The following EML2 variants were observed in gnomAD, a reference collection of about 807,000 sequenced individuals.
The protein encoded by EML2 is echinoderm microtubule-associated protein-like 2.
Under a neutral mutation model 84.7 loss-of-function variants are expected in EML2, and 59 were observed. The observed-to-expected ratio is 0.70, with a 90% CI of 0.56 to 0.86. The LOEUF (loss-of-function observed/expected upper bound fraction) is 0.86. EML2 is among the 40% of genes least tolerant of loss of function. The pLI is 0.00. For missense variants in EML2, 818 were observed against 855.6 expected (o/e 0.96, Z 0.55); for synonymous variants, 352 against 348.9 (o/e 1.01, Z -0.10).
intron 11 of EML2, chr19:45,620,771 TG>T (rs1971591734): frequency 7.0e-6 from 2 of 284,748 alleles, no homozygotes; most frequent in Admixed American, 8.1e-5. Flanking sequence ...GTTCTTTAAT[TG>T]GGTCAGGGGT....
At chr19:45,640,315 G>A (rs1974307895), upstream of EML2, 1 of 152,120 alleles carries the variant, frequency 6.6e-6, no homozygotes, top group South Asian at 2.1e-4. Context: ...AATTTCCTAG[G>A]CTTAAGTGAG....
At chr19:45,629,054 G>T (rs1972717349) in intron 7 of EML2, among the ~76,000 whole-genome samples, 1 of 151,966 alleles carries the variant, frequency 6.6e-6, no homozygotes, top group Non-Finnish European at 1.5e-5. Context: ...TGTTGGGCCT[G>T]GTCCACCGTA....
Position 45,609,636 on chromosome 19 carries a change from C to T in EML2, c.*27G>A. 1 of 1,587,338 alleles carries T rather than the reference C, an allele frequency of 6.3e-7. No individual in the cohort carries two copies. The highest frequency in any genetic ancestry group is 8.6e-7 in the Non-Finnish European group (1 of 1,168,256). On this transcript the variant is annotated 3_prime_UTR_variant, in exon 19 of 19. Transcript: ENST00000245925. ...ATCTCCCGAAAATAGAATTCCTGCC[C>T]TGACACCTGACTCTTCCCTGGCCGC...
chr19:45,628,847 G>GTAAA (rs1491389932), intron 7 of EML2: 2 of 112,450 alleles, frequency 1.8e-5, no homozygotes, highest in East Asian at 2.4e-4. Flanking sequence ...AAGTAAGTAA[G>GTAAA]TAAGTAAGTA....
At chr19:45,618,248 T>TC (rs1971306599) in intron 12 of EML2, among the ~76,000 whole-genome samples, 1 of 150,908 alleles carries the variant, frequency 6.6e-6, no homozygotes. Context: ...TTTTTTTTTT[T>TC]CATTTTTTGT....
upstream of EML2, chr19:45,643,719 C>A: frequency 6.5e-7 from 1 of 1,531,860 alleles, no homozygotes; most frequent in Middle Eastern, 1.7e-4. Flanking sequence ...GCCCTCTGGG[C>A]TCCGCAGTGC....
intron 8 of EML2, among the ~76,000 whole-genome samples, chr19:45,626,458 C>T (rs563540109): frequency 7.1e-5 from 10 of 141,612 alleles, no homozygotes; most frequent in African/African-American, 2.4e-4. Flanking sequence ...CATTTGATCA[C>T]GGCTCACTGC....
At chr19:45,632,298 C>G (rs975463848) in intron 6 of EML2, among the ~76,000 whole-genome samples, 13 of 151,630 alleles carry the variant, frequency 8.6e-5, no homozygotes, top group African/African-American at 3.2e-4. Context: ...AGCGATTCTC[C>G]TGCCTCAGCC....
Position 45,629,956 on chromosome 19 carries a change from C to T in EML2, c.601G>A (p.Val201Ile), listed in dbSNP as rs146511803. The change falls in exon 7 of 19, where the codon GTC becomes ATC. Residue 201 changes from valine (V) to isoleucine (I), a missense_variant. Transcript: ENST00000245925. The part of the protein sequence containing the change: ...DWAKETKVVD[V>I]KCSNEAVLVA... ...GATGAGAAAAGTCACCTCACCTTGA[C>T]ATCCACCACCTTGGTCTCCTTGGCC... is the stretch of plus-strand genomic sequence containing the variant. 1.9e-5 allele frequency: 31 copies of T among 1,613,078 alleles called. No individual in the cohort carries two copies. Among genetic ancestry groups the T allele is most frequent in the Non-Finnish European group, 2.5e-5 (30 of 1,179,352 alleles).
upstream of EML2, chr19:45,642,486 C>G (rs556019573): frequency 4.5e-5 from 65 of 1,436,332 alleles, no homozygotes; most frequent in African/African-American, 8.2e-4. Context: ...GGCTGGGACA[C>G]TTGGACATGA....
rs773250160 is a variant in EML2, at chr19:45,615,777, T to TGA, written c.1597+24_1597+25insTC. On this transcript the variant is annotated intron_variant, in intron 16 of 18. Coordinates refer to ENST00000245925, the MANE Select transcript of EML2 (RefSeq NM_012155.4). The stretch of plus-strand genomic sequence containing the variant: ...TCTGCAAATGAGACGGAGGAAGTAA[T>TGA]GTCTCTGGGTCCCGGAGAACTCACA... The TGA allele has an allele frequency of 2.7e-5, 43 of 1,588,554 alleles. No individual in the cohort carries two copies. In the Middle Eastern group the frequency reaches 5.0e-4, roughly 18 times the overall value.
upstream of EML2, chr19:45,645,299 G>T (rs1215106411): frequency 2.6e-6 from 4 of 1,533,612 alleles, no homozygotes; most frequent in South Asian, 2.4e-5. Flanking sequence ...CAGCGAGGAC[G>T]TGTCGTACAG....
chr19:45,638,451 T>C, intron 3 of EML2, 54 bp downstream of exon 3: 1 of 1,611,700 alleles, frequency 6.2e-7, no homozygotes, highest in Non-Finnish European at 8.5e-7. Flanking sequence ...TGACCGCCTT[T>C]CTATTTCCTC....
upstream of EML2, chr19:45,643,686 C>G (rs1456864454): frequency 8.5e-6 from 13 of 1,535,562 alleles, no homozygotes; most frequent in Admixed American, 2.0e-5. Flanking sequence ...CCTGCCATCC[C>G]GCGTCCACAG....
upstream of EML2, chr19:45,645,064 A>T (rs1478186211): frequency 1.6e-6 from 1 of 610,454 alleles, no homozygotes; most frequent in Non-Finnish European, 2.9e-6. Flanking sequence ...CCACCTCGGG[A>T]GTACAGAAGG....
At chr19:45,630,257 T>TA (rs1276999963) in intron 6 of EML2, among the ~76,000 whole-genome samples, 6 of 149,664 alleles carry the variant, frequency 4.0e-5, no homozygotes, top group South Asian at 2.1e-4. Flanking sequence ...ATTTAAATAT[T>TA]AAAAAAAAAT....
upstream of EML2, chr19:45,641,539 G>T: frequency 8.6e-7 from 1 of 1,165,108 alleles, no homozygotes; most frequent in Non-Finnish European, 1.2e-6. Context: ...GAACTAGCTG[G>T]CCCCACTCTA....
At chr19:45,613,415 G>T (rs1004804273) in intron 18 of EML2, 126 bp downstream of exon 18, 30 of 1,170,262 alleles carry the variant, frequency 2.6e-5, no homozygotes, top group Non-Finnish European at 3.5e-5. Context: ...CAAGACTACT[G>T]TCCTCCTTGT....
chr19:45,645,192 C>G, upstream of EML2: 1 of 1,439,930 alleles, frequency 6.9e-7, no homozygotes, highest in Non-Finnish European at 9.3e-7. Flanking sequence ...GGGTTGGGGA[C>G]TTGCAAGGAG....
Sources: gnomAD v4.1 joint callset for allele counts (sites outside exome capture counted in the v4.1 genomes callset) on GRCh38, gnomAD v4.1.1 for gene constraint, MANE v1.5 for transcripts, NCBI Gene and HGNC (gene_info 2026-07-23, HGNC 2026-07-21) for gene names.